Variants in TMEM132B observed in about 807,000 individuals in gnomAD.
The protein encoded by TMEM132B is transmembrane protein 132B.
TMEM132B carries 18 observed loss-of-function variants against 90.8 expected under a neutral mutation model. That is an observed-to-expected ratio of 0.20 (90% CI 0.14 to 0.29). The LOEUF is 0.29. TMEM132B is among the 10% of genes least tolerant of loss of function. The pLI is 1.00. For missense variants in TMEM132B, 1,096 were observed against 1,326.8 expected, an observed-to-expected ratio of 0.83 and a Z score of 2.70; for synonymous variants, 504 against 523.3, an observed-to-expected ratio of 0.96 and a Z score of 0.50.
At chr12:125,437,919 G>A (rs112326836) in intron 3 of TMEM132B, among the ~76,000 whole-genome samples, 17 of 152,244 alleles carry the variant, frequency 1.1e-4, no homozygotes, top group East Asian at 9.7e-4. Flanking sequence ...ACTTAATGCC[G>A]TTGACTTGCT....
At chr12:125,189,693 G>A (rs1957784586) in intron 1 of TMEM132B, among the ~76,000 whole-genome samples, 1 of 152,084 alleles carries the variant, frequency 6.6e-6, no homozygotes, top group South Asian at 2.1e-4. Context: ...GATGCAGGGA[G>A]TTGGGGAGGC....
intron 3 of TMEM132B, among the ~76,000 whole-genome samples, chr12:125,512,832 GCCATTAGAT>G (rs1483797370): frequency 2.0e-5 from 3 of 152,206 alleles, no homozygotes; most frequent in Non-Finnish European, 4.4e-5. Context: ...CTGAGAGCCA[GCCATTAGAT>G]CCTGATGAAA....
chr12:125,313,455 CTTCT>C (rs986608704), intron 1 of TMEM132B, among the ~76,000 whole-genome samples: 9 of 150,860 alleles, frequency 6.0e-5, no homozygotes, highest in Admixed American at 1.3e-4. Flanking sequence ...TCCTTCCTCC[CTTCT>C]TTCTCTCTTC....
chr12:125,477,504 G>T (rs146077562), intron 3 of TMEM132B, among the ~76,000 whole-genome samples: 1 of 148,762 alleles, frequency 6.7e-6, no homozygotes, highest in African/African-American at 2.4e-5. Flanking sequence ...AAAAAATTCC[G>T]TAATTTTTTT....
intron 1 of TMEM132B, among the ~76,000 whole-genome samples, chr12:125,274,115 G>A (rs576856316): frequency 6.6e-6 from 1 of 152,256 alleles, no homozygotes; most frequent in South Asian, 2.1e-4. Context: ...GTCTCTTCGT[G>A]AGTGGTGTGT....
At chr12:125,260,442 C>T (rs1565985977) in intron 1 of TMEM132B, among the ~76,000 whole-genome samples, 1 of 151,970 alleles carries the variant, frequency 6.6e-6, no homozygotes, top group Non-Finnish European at 1.5e-5. Flanking sequence ...GCCCCTAACT[C>T]CTAGGCTCAA....
intron 1 of TMEM132B, among the ~76,000 whole-genome samples, chr12:125,271,327 T>C (rs1301482819): frequency 6.6e-6 from 1 of 152,154 alleles, no homozygotes; most frequent in Non-Finnish European, 1.5e-5. Flanking sequence ...GGAGAACAAA[T>C]GGCAGACTCT....
At chr12:125,439,961 G>T (rs1880821570) in intron 3 of TMEM132B, among the ~76,000 whole-genome samples, 1 of 152,170 alleles carries the variant, frequency 6.6e-6, no homozygotes, top group Non-Finnish European at 1.5e-5. Flanking sequence ...TTTATGTGAT[G>T]AATCACATTT....
chr12:125,566,949 T>C (rs1165403381), intron 4 of TMEM132B, among the ~76,000 whole-genome samples: 2 of 149,710 alleles, frequency 1.3e-5, no homozygotes, highest in Admixed American at 6.7e-5. Context: ...GCTCAAGCAA[T>C]TCTCCTGCCT....
chr12:125,366,920 A>G (rs1878152238), intron 2 of TMEM132B, among the ~76,000 whole-genome samples: 1 of 151,970 alleles, frequency 6.6e-6, no homozygotes, highest in South Asian at 2.1e-4. Context: ...AAATTCATTG[A>G]TTCTTTCTCC....
At chr12:125,429,713 A>G (rs1202705330) in intron 3 of TMEM132B, among the ~76,000 whole-genome samples, 3 of 152,010 alleles carry the variant, frequency 2.0e-5, no homozygotes, top group Admixed American at 1.3e-4. Context: ...CTGAGGTTAT[A>G]GGTTTATTGG....
At chr12:125,319,826 G>A (rs1483581208) in intron 1 of TMEM132B, among the ~76,000 whole-genome samples, 1 of 152,040 alleles carries the variant, frequency 6.6e-6, no homozygotes, top group Admixed American at 6.6e-5. Context: ...ATCAGCCTGG[G>A]CAATATAGTG....
intron 2 of TMEM132B, among the ~76,000 whole-genome samples, chr12:125,384,351 C>G (rs905309016): frequency 6.6e-6 from 1 of 152,160 alleles, no homozygotes; most frequent in Non-Finnish European, 1.5e-5. Context: ...ATTCTGAAAA[C>G]ACTTATTTCT....
In TMEM132B at chr12:125,655,798, T is replaced by C. The variant is rs985974631; in HGVS notation, c.*1088T>C. 3 of 152,194 alleles carry C rather than the reference T, an allele frequency of 2.0e-5. No individual in the cohort carries two copies. The highest frequency in any genetic ancestry group is 7.2e-5 in the African/African-American group (3 of 41,450). The allele number at this position is 152,194 out of a possible 1,614,324, so 9.4% of individuals were successfully genotyped here. A position where few individuals can be genotyped will look rare whatever the true frequency, so the allele number is the denominator to read the frequency against. On this transcript the variant is annotated 3_prime_UTR_variant, in exon 9 of 9. Coordinates refer to ENST00000682704, the MANE Select transcript of TMEM132B (RefSeq NM_001366854.1). ...CATTTTACCAGAACAAAAGTTTTTTTTTTTTTAAATAAGTAGAATGACAGT... is the reference window on the plus strand; with the variant it reads ...CATTTTACCAGAACAAAAGTTTTTTCTTTTTTAAATAAGTAGAATGACAGT...
At chr12:125,477,297 C>T (rs1469374155) in intron 3 of TMEM132B, among the ~76,000 whole-genome samples, 1 of 152,046 alleles carries the variant, frequency 6.6e-6, no homozygotes, top group African/African-American at 2.4e-5. Flanking sequence ...AAACTCAAAA[C>T]TGATCTTATC....
At chr12:125,494,981 C>T (rs554152556) in intron 3 of TMEM132B, among the ~76,000 whole-genome samples, 6 of 131,398 alleles carry the variant, frequency 4.6e-5, no homozygotes, top group Admixed American at 7.5e-5. Flanking sequence ...CCCCCTCCTC[C>T]CTGGAAATGG....
chr12:125,624,608 C>T (rs1265455602), intron 5 of TMEM132B, among the ~76,000 whole-genome samples: 1 of 152,146 alleles, frequency 6.6e-6, no homozygotes, highest in Non-Finnish European at 1.5e-5. Flanking sequence ...TTTGACTTTG[C>T]ATATTCATTT....
rs201343262 is a variant in TMEM132B at position 125,654,158 on chromosome 12, G to T, written c.2700G>T (p.Thr900=). The T allele has an allele frequency of 6.2e-7, 1 of 1,614,222 alleles. No homozygotes were observed. The highest frequency in any genetic ancestry group is 8.5e-7 in the Non-Finnish European group (1 of 1,180,044). ...SDLTVTSRGL[T]DLEIGMYALL... is the part of the protein sequence containing the mutation. ...TCACAGTGACCTCAAGGGGGCTAAC[G>T]GACTTGGAGATTGGCATGTATGCCT... The change falls in exon 9 of 9, where the codon ACG becomes ACT. Residue 900 remains threonine, a synonymous_variant. Transcript: ENST00000682704. This position sits in a 1 kb window ranked among gnomAD's most constrained non-coding sequence, Gnocchi z 5.8.
At chr12:125,380,957 C>T (rs1383875388) in intron 2 of TMEM132B, among the ~76,000 whole-genome samples, 1 of 152,174 alleles carries the variant, frequency 6.6e-6, no homozygotes, top group East Asian at 1.9e-4. Context: ...CACCCTCTTC[C>T]CTGGATTAAT....
Sources: allele counts gnomAD v4.1 joint callset (sites outside exome capture counted in the v4.1 genomes callset), GRCh38; gene constraint gnomAD v4.1.1; non-coding constraint Gnocchi (gnomAD v3.1); transcripts MANE v1.5; gene names NCBI Gene and HGNC (gene_info 2026-07-23, HGNC 2026-07-21).